The following CHD7 variants were observed in gnomAD, a reference collection of about 807,000 sequenced individuals.
CHD7 encodes the protein ATP-dependent chromatin remodeler CHD7.
In CHD7, 24 loss-of-function variants were observed where a neutral mutation model predicts 307.3. The observed-to-expected ratio is 0.08, with a 90% CI of 0.06 to 0.11. CHD7 has a LOEUF of 0.11. Ranked by LOEUF, CHD7 falls within the 10% of genes least tolerant of loss-of-function variation. The pLI is 1.00. For synonymous variants in CHD7, 1,363 were observed against 1,349.9 expected (o/e 1.01, Z -0.21); for missense variants, 3,106 against 3,727.1 (o/e 0.83, Z 4.34).
In CHD7 at chr8:60,678,802, C is replaced by T. The variant is rs1467748039; in HGVS notation, c.-455C>T. On this transcript the variant is annotated 5_prime_UTR_variant, in exon 1 of 38. Transcript: ENST00000423902. ...GCGGCGGCGGCGGCAGCGGCGGCGG[C>T]GGCGGCGGCGCGGGGGTTGAGTCGT... is the stretch of plus-strand genomic sequence containing the variant. The T allele has an allele frequency of 3.5e-5, 5 of 142,752 alleles. No homozygotes were observed. The highest frequency in any genetic ancestry group is 3.7e-4 in the South Asian group (2 of 5,408). 8.8% of individuals were successfully genotyped at this position (142,752 alleles called of 1,614,324 possible).
chr8:60,818,584 A>AT (rs71757003), intron 8 of CHD7, among the ~76,000 whole-genome samples: 37 of 151,552 alleles, frequency 2.4e-4, no homozygotes, highest in Middle Eastern at 3.4e-3. Context: ...ATTTCAATGG[A>AT]TTTTTTTTTG....
At chr8:60,790,201 G>A (rs1811701331) in intron 3 of CHD7, among the ~76,000 whole-genome samples, 2 of 152,206 alleles carry the variant, frequency 1.3e-5, no homozygotes, top group Non-Finnish European at 2.9e-5. Flanking sequence ...TTCATGAGTG[G>A]ATGGCTCTGT....
chr8:60,686,123 C>T (rs1161665276), intron 1 of CHD7, among the ~76,000 whole-genome samples: 1 of 152,166 alleles, frequency 6.6e-6, no homozygotes, highest in Non-Finnish European at 1.5e-5. Context: ...GGGTTCCTTC[C>T]TGTCTTGTGT....
rs763978472 is a variant in CHD7 at position 60,821,905 on chromosome 8, G to A, written c.2813G>A (p.Arg938Lys). ...GAGGAGTTTGAGAAACTAATGTCCA[G>A]GGAGCCGGAAACAGAGCGTGTGGTA... ...KIEEFEKLMS[R>K]EPETERVERP... is the part of the protein sequence containing the mutation. Residue 938 changes from arginine to lysine, a missense_variant, in exon 10 of 38, where the codon AGG becomes AAG. By Grantham distance (26) the Arg-to-Lys change is conservative. This residue lies in a region of CHD7 where 188 missense variants were observed against 261.7 expected (regional missense o/e 0.72). Transcript: ENST00000423902. 1.9e-6 allele frequency: 3 copies of A among 1,612,764 alleles called. No individual in the cohort carries two copies. The African/African-American group carries it at 4.0e-5, about 22-fold the overall frequency.
chr8:60,742,808 G>T lies in CHD7; in HGVS notation c.1376G>T (p.Arg459Leu). 1 of 1,613,938 alleles carries T rather than the reference G, an allele frequency of 6.2e-7. No individual in the cohort carries two copies. Among genetic ancestry groups the T allele is most frequent in the Non-Finnish European group, 8.5e-7 (1 of 1,179,850 alleles). ...GGCCCCAGAAACATGCAGCAGTCTC[G>T]TCCATTTATAGGCATGTCCTCGGCA... ...NMGPRNMQQS[R>L]PFIGMSSAPR... Residue 459 changes from arginine to leucine, a missense_variant, in exon 2 of 38, where the codon CGT becomes CTT. Around this residue, in one of 10 missense-constraint regions of CHD7, gnomAD observed 998 missense variants for 1,004.5 expected, o/e 0.99. Transcript: ENST00000423902.
chr8:60,802,823 T>G (rs1000699941), intron 6 of CHD7, among the ~76,000 whole-genome samples: 37 of 152,354 alleles, frequency 2.4e-4, no homozygotes, highest in Admixed American at 2.0e-3. Flanking sequence ...AACATGTTAT[T>G]GCACCAGCAG....
intron 23 of CHD7, 104 bp from the exon 24 acceptor site, chr8:60,848,411 A>G: frequency 1.4e-6 from 1 of 729,208 alleles, no homozygotes; most frequent in Non-Finnish European, 2.4e-6. Flanking sequence ...ATGGCTAATC[A>G]GCCTTGGCAG....
At chr8:60,814,156 A>G (rs1812938982) in intron 7 of CHD7, among the ~76,000 whole-genome samples, 1 of 152,128 alleles carries the variant, frequency 6.6e-6, no homozygotes, top group Admixed American at 6.5e-5. Context: ...CGTATTTTTG[A>G]CCCTTTATTC....
At chr8:60,697,503 A>G (rs1178820538) in intron 1 of CHD7, among the ~76,000 whole-genome samples, 1 of 152,216 alleles carries the variant, frequency 6.6e-6, no homozygotes, top group Non-Finnish European at 1.5e-5. Context: ...AAAATAATAA[A>G]TGGGTTGTTG....
At chr8:60,842,973 G>T (rs1805039843) in intron 21 of CHD7, among the ~76,000 whole-genome samples, 1 of 152,072 alleles carries the variant, frequency 6.6e-6, no homozygotes, top group Non-Finnish European at 1.5e-5. Context: ...CCCCCCACTT[G>T]CACCTCCGCT....
intron 1 of CHD7, among the ~76,000 whole-genome samples, chr8:60,680,232 C>T (rs1805533642): frequency 1.3e-5 from 2 of 151,722 alleles, no homozygotes; most frequent in Non-Finnish European, 2.9e-5. Context: ...TGGCTGGAGG[C>T]CAAGCGGTCA....
intron 6 of CHD7, 138 bp from the exon 7 acceptor site, chr8:60,808,079 C>A: frequency 1.5e-6 from 1 of 656,494 alleles, no homozygotes; most frequent in Non-Finnish European, 2.6e-6. Flanking sequence ...TCCCAGCACA[C>A]GGTGTGCTCA....
At chr8:60,823,398 G>GATAA (rs1563632075) in intron 12 of CHD7, among the ~76,000 whole-genome samples, 4 of 23,622 alleles carry the variant, frequency 1.7e-4, no homozygotes, top group African/African-American at 7.0e-4. Flanking sequence ...GCTATATATA[G>GATAA]ATAGATAGAT....
At chr8:60,856,354 A>G (rs1805706203) in intron 33 of CHD7, 91 bp from the exon 34 acceptor site, 1 of 1,336,790 alleles carries the variant, frequency 7.5e-7, no homozygotes, top group Non-Finnish European at 1.0e-6. Flanking sequence ...TTAATTCCTT[A>G]AGCTTCTTGT....
Position 60,862,291 on chromosome 8 carries a change from A to G in CHD7, c.7926A>G (p.Thr2642=). The change falls in exon 36 of 38, where the codon ACA becomes ACG. Residue 2642 remains threonine, a synonymous_variant. Transcript: ENST00000423902. The part of the protein sequence containing the change: ...NPNKLDINTL[T]GEERVPVVNK... ...ATAAATTGGATATAAACACTTTGACAGGAGAAGAAAGGGTGCCTGTTGTCA... is the reference window on the plus strand; with the variant it reads ...ATAAATTGGATATAAACACTTTGACGGGAGAAGAAAGGGTGCCTGTTGTCA... 1 of 1,608,820 alleles carries G rather than the reference A, an allele frequency of 6.2e-7. No individual in the cohort carries two copies.
intron 1 of CHD7, among the ~76,000 whole-genome samples, chr8:60,711,691 T>C (rs1284664486): frequency 6.6e-6 from 1 of 152,242 alleles, no homozygotes; most frequent in African/African-American, 2.4e-5. Flanking sequence ...TAGCCTATAA[T>C]TGTCTACCAT....
intron 1 of CHD7, among the ~76,000 whole-genome samples, chr8:60,702,725 G>T (rs1228776561): frequency 6.6e-6 from 1 of 152,194 alleles, no homozygotes; most frequent in Non-Finnish European, 1.5e-5. Flanking sequence ...ATTATCTTTT[G>T]CTGTGTAACA....
intron 2 of CHD7, among the ~76,000 whole-genome samples, chr8:60,778,414 A>G (rs1452005532): frequency 1.3e-5 from 2 of 152,110 alleles, no homozygotes; most frequent in East Asian, 1.9e-4. Flanking sequence ...CTGAGTTACT[A>G]ATTTATTGCT....
chr8:60,837,059 T>A (rs1439103797), intron 17 of CHD7, 47 bp downstream of exon 17: 2 of 1,451,566 alleles, frequency 1.4e-6, no homozygotes, highest in Non-Finnish European at 1.9e-6. Context: ...GAAGTCATTC[T>A]GCTTACTATG....
Sources: gnomAD v4.1 joint callset for allele counts (sites outside exome capture counted in the v4.1 genomes callset) on GRCh38, gnomAD v4.1.1 for gene constraint, gnomAD v4.1.1 regional missense constraint, MANE v1.5 for transcripts, NCBI Gene and HGNC (gene_info 2026-07-23, HGNC 2026-07-21) for gene names.